Variants in NECAB2 observed in about 807,000 individuals in gnomAD.
NECAB2 encodes the protein N-terminal EF-hand calcium-binding protein 2.
NECAB2 carries 68 observed loss-of-function variants against 51.9 expected under a neutral mutation model. The ratio of observed to expected loss-of-function variants is 1.31; its 90% CI spans 1.08 to 1.60. The LOEUF is 1.60. NECAB2 is among the 40% of genes most tolerant of loss of function. The pLI, the probability that NECAB2 is intolerant of heterozygous loss-of-function variation, is 0.00. For missense variants in NECAB2, 854 were observed against 490.3 expected, an observed-to-expected ratio of 1.74 and a Z score of -7.00; for synonymous variants, 329 against 203.5, an observed-to-expected ratio of 1.62 and a Z score of -5.25.
rs2084311220 is a variant in NECAB2 at position 83,968,349 on chromosome 16, T to C, written c.-300T>C. 6.8e-6 allele frequency among the ~76,000 whole-genome samples: 1 copy of C among 147,938 alleles called. No individual in the cohort carries two copies. The highest frequency in any genetic ancestry group is 2.2e-4 in the South Asian group (1 of 4,524). The stretch of plus-strand genomic sequence containing the variant: ...CGCCGCCCCGCCCCCAGGCCCCACA[T>C]ACCCCTCCCCTCCGGGTAGCCCCCT... On this transcript the variant is annotated 5_prime_UTR_variant, in exon 1 of 13. Coordinates refer to ENST00000305202, the MANE Select transcript of NECAB2 (RefSeq NM_019065.3).
At chr16:83,980,354 C>T (rs1435537284) in intron 3 of NECAB2, among the ~76,000 whole-genome samples, 1 of 152,164 alleles carries the variant, frequency 6.6e-6, no homozygotes, top group African/African-American at 2.4e-5. Flanking sequence ...AAGGACAGGA[C>T]CCTTCTCCAG....
At position 84,000,428 on chromosome 16, in the gene NECAB2, T is replaced by C. The variant is rs552044459; in HGVS notation, c.963-296T>C. On this transcript the variant is annotated intron_variant, in intron 10 of 12. Coordinates refer to ENST00000305202, the MANE Select transcript of NECAB2 (RefSeq NM_019065.3). ...CTCTAGTCCCCGCTACTTGGAAGGCTGAAGTGATTGTGCCACTGCACTCCA... is the reference window on the plus strand; with the variant it reads ...CTCTAGTCCCCGCTACTTGGAAGGCCGAAGTGATTGTGCCACTGCACTCCA... Among the ~76,000 whole-genome samples the C allele has an allele frequency of 2.0e-5, 3 of 152,216 alleles. No individual in the cohort carries two copies. In the South Asian group the frequency reaches 6.2e-4, roughly 32 times the overall value.
intron 9 of NECAB2, 39 bp downstream of exon 9, chr16:83,997,308 C>G (rs552137080): frequency 1.1e-5 from 18 of 1,612,974 alleles, no homozygotes; most frequent in African/African-American, 2.7e-5. Flanking sequence ...GACCACATCC[C>G]TACCCATGCC....
intron 12 of NECAB2, 117 bp from the exon 13 acceptor site, chr16:84,002,201 G>C: frequency 7.6e-7 from 1 of 1,312,968 alleles, no homozygotes; most frequent in Non-Finnish European, 1.1e-6. Context: ...GCAAGGACCT[G>C]TGTGTCACAC....
intron 9 of NECAB2, among the ~76,000 whole-genome samples, chr16:83,997,731 G>T (rs139380824): frequency 3.9e-4 from 60 of 152,104 alleles, no homozygotes; most frequent in African/African-American, 1.4e-3. Flanking sequence ...CTATCCTCAT[G>T]ATCTGCCCAC....
intron 5 of NECAB2, 79 bp from the exon 6 acceptor site, chr16:83,990,415 C>G: frequency 6.5e-7 from 1 of 1,550,268 alleles, no homozygotes; most frequent in East Asian, 2.3e-5. Flanking sequence ...CCAGCTTTCC[C>G]CCAACTCCTG....
At chr16:83,999,370 T>G (rs2151101897) in intron 10 of NECAB2, among the ~76,000 whole-genome samples, 1 of 152,092 alleles carries the variant, frequency 6.6e-6, no homozygotes, top group East Asian at 1.9e-4. Flanking sequence ...GGCTCCAGGG[T>G]GAAGTAGGGC....
intron 6 of NECAB2, among the ~76,000 whole-genome samples, chr16:83,991,992 A>G (rs1567673932): frequency 6.6e-6 from 1 of 152,192 alleles, no homozygotes; most frequent in African/African-American, 2.4e-5. Flanking sequence ...AGGAAATGGC[A>G]TATGGTTATA....
Position 83,979,791 on chromosome 16 carries a change from A to T in NECAB2, c.336-1048A>T, listed in dbSNP as rs982909565. ...GGAGGACTCGCGGTTATGGAAGGTC[A>T]AAGCTCTATAAAGACTTTTAGGATT... On this transcript the variant is annotated intron_variant, in intron 3 of 12. Coordinates refer to ENST00000305202, the MANE Select transcript of NECAB2 (RefSeq NM_019065.3). Among the ~76,000 whole-genome samples the T allele has an allele frequency of 3.9e-5, 6 of 152,276 alleles. No homozygotes were observed. The Middle Eastern group carries it at 0.014, about 345-fold the overall frequency.
upstream of NECAB2, among the ~76,000 whole-genome samples, chr16:83,967,770 G>A (rs2084302662): frequency 6.8e-6 from 1 of 148,010 alleles, no homozygotes. Context: ...ATGGATGGAT[G>A]GAGGGTGGAT....
At chr16:83,994,788 C>A (rs895928541) in intron 8 of NECAB2, 100 bp downstream of exon 8, 3 of 1,329,192 alleles carry the variant, frequency 2.3e-6, no homozygotes, top group African/African-American at 2.9e-5. Context: ...TGCAGAGGGG[C>A]CAGGGAACCA....
At chr16:83,994,898 G>A (rs74032353) in intron 8 of NECAB2, among the ~76,000 whole-genome samples, 1,583 of 152,310 alleles carry the variant, frequency 0.01, 18 homozygotes, top group South Asian at 0.031. Flanking sequence ...AAGGAGGGGC[G>A]CCTGGGAAGA....
At chr16:83,979,135 C>T (rs1226828975) in intron 3 of NECAB2, among the ~76,000 whole-genome samples, 1 of 152,156 alleles carries the variant, frequency 6.6e-6, no homozygotes, top group Non-Finnish European at 1.5e-5. Context: ...TCAGACTTAC[C>T]CTTGACCCTT....
rs115645387 is a variant in NECAB2, at chr16:84,001,384, C to T, written c.1041-441C>T. 9.8e-4 allele frequency among the ~76,000 whole-genome samples: 149 copies of T among 152,036 alleles called. 1 individual carries two copies. The highest frequency in any genetic ancestry group is 3.1e-3 in the African/African-American group (128 of 41,348). On this transcript the variant is annotated intron_variant, in intron 11 of 12. Transcript: ENST00000305202. The stretch of plus-strand genomic sequence containing the variant: ...CTCCTGCTTCCCTGGTAAACACTCA[C>T]GGTTTGCTGACAAACTCAGGACCCC...
At chr16:84,001,718 C>A in intron 11 of NECAB2, 107 bp from the exon 12 acceptor site, 3 of 1,216,448 alleles carry the variant, frequency 2.5e-6, no homozygotes, top group Non-Finnish European at 3.5e-6. Flanking sequence ...ACCCCCCGTG[C>A]TTATTGATAA....
chr16:83,982,586 G>A (rs1019987471), intron 5 of NECAB2, among the ~76,000 whole-genome samples: 1 of 152,108 alleles, frequency 6.6e-6, no homozygotes, highest in Non-Finnish European at 1.5e-5. Flanking sequence ...CTTGAGCCTC[G>A]GTTTTCTCAC....
intron 6 of NECAB2, among the ~76,000 whole-genome samples, chr16:83,991,291 C>T (rs143874370): frequency 2.2e-3 from 333 of 151,742 alleles, no homozygotes; most frequent in Non-Finnish European, 3.5e-3. Context: ...CCTATTTTCT[C>T]TTTCTCTCTC....
At chr16:83,980,997 T>C (rs765728405) in intron 4 of NECAB2, 33 bp from the exon 5 acceptor site, 1 of 1,609,104 alleles carries the variant, frequency 6.2e-7, no homozygotes, top group Non-Finnish European at 8.5e-7. Context: ...GGGCAGGACC[T>C]GTGACCCCTG....
intron 8 of NECAB2, among the ~76,000 whole-genome samples, chr16:83,995,478 C>T (rs181646406): frequency 7.2e-4 from 110 of 152,152 alleles, no homozygotes; most frequent in Admixed American, 9.2e-4. Context: ...GCACAGGGCC[C>T]GGTGCTGTAG....
Sources: gnomAD v4.1 joint callset for allele counts (sites outside exome capture counted in the v4.1 genomes callset) on GRCh38, gnomAD v4.1.1 for gene constraint, MANE v1.5 for transcripts, NCBI Gene and HGNC (gene_info 2026-07-23, HGNC 2026-07-21) for gene names.